CSMD1: variants seen among roughly 807,000 people sequenced by gnomAD.
CSMD1 encodes the protein CUB and sushi domain-containing protein 1.
A neutral mutation model predicts 417.5 loss-of-function variants in CSMD1; 213 were observed. That is an observed-to-expected ratio of 0.51 (90% confidence interval 0.46 to 0.57). The LOEUF is 0.57. Ranked by LOEUF, CSMD1 falls within the 20% of genes least tolerant of loss-of-function variation. CSMD1 has a pLI of 0.00. For missense variants in CSMD1, 6,923 were observed against 4,529.7 expected, an observed-to-expected ratio of 1.53 and a Z score of -15.17; for synonymous variants, 2,862 against 1,736.8, an observed-to-expected ratio of 1.65 and a Z score of -16.11.
At chr8:4,529,411 C>A (rs1449100962) in intron 2 of CSMD1, among the ~76,000 whole-genome samples, 1 of 152,034 alleles carries the variant, frequency 6.6e-6, no homozygotes, top group African/African-American at 2.4e-5. Flanking sequence ...AAATTGTTTT[C>A]TTCTGAAAAA....
In CSMD1 at chr8:4,966,454, A is replaced by G. The variant is rs140656130; in HGVS notation, c.85+27878T>C. On this transcript the variant is annotated intron_variant, in intron 1 of 69. Transcript: ENST00000635120. ...TGGAACACATTTCCTTGTTAGGCTAATATCAACCATCACTTCCAGATCTCA... is the reference window on the plus strand; with the variant it reads ...TGGAACACATTTCCTTGTTAGGCTAGTATCAACCATCACTTCCAGATCTCA... Among the ~76,000 whole-genome samples the G allele has an allele frequency of 5.8e-3, 876 of 152,260 alleles. 8 individuals carry two copies. Among genetic ancestry groups the G allele is most frequent in the African/African-American group, 0.02 (841 of 41,552 alleles).
At chr8:3,093,335 C>G (rs1815078918) in intron 47 of CSMD1, among the ~76,000 whole-genome samples, 1 of 152,136 alleles carries the variant, frequency 6.6e-6, no homozygotes, top group Admixed American at 6.5e-5. Context: ...CTGACCCCTT[C>G]CGCTTAAAGG....
chr8:3,329,781 G>C (rs1195515238), intron 23 of CSMD1, among the ~76,000 whole-genome samples: 1 of 152,182 alleles, frequency 6.6e-6, no homozygotes, highest in Non-Finnish European at 1.5e-5. Flanking sequence ...GATGCATTGT[G>C]AGTGAGCCTT....
At chr8:4,546,165 T>C (rs1797622031) in intron 2 of CSMD1, among the ~76,000 whole-genome samples, 1 of 152,200 alleles carries the variant, frequency 6.6e-6, no homozygotes, top group Non-Finnish European at 1.5e-5. Flanking sequence ...ATGAACATTT[T>C]TCAGTTTATT....
chr8:4,114,847 G>T (rs1350901643), intron 3 of CSMD1, among the ~76,000 whole-genome samples: 1 of 152,148 alleles, frequency 6.6e-6, no homozygotes, highest in Non-Finnish European at 1.5e-5. Context: ...AGACGTGACT[G>T]AATTGCTGCA....
intron 3 of CSMD1, among the ~76,000 whole-genome samples, chr8:4,375,210 G>A (rs1453143479): frequency 7.9e-5 from 12 of 152,220 alleles, no homozygotes; most frequent in African/African-American, 2.2e-4. Flanking sequence ...CTTTGCCCAC[G>A]GGGATAGATA....
At chr8:4,275,684 CTTGT>C (rs1207710631) in intron 3 of CSMD1, among the ~76,000 whole-genome samples, 1 of 152,112 alleles carries the variant, frequency 6.6e-6, no homozygotes, top group Non-Finnish European at 1.5e-5. Flanking sequence ...TTTTGCAAAG[CTTGT>C]TTTAGTGATA....
intron 11 of CSMD1, among the ~76,000 whole-genome samples, chr8:3,470,429 A>C (rs182177514): frequency 6.6e-6 from 1 of 152,208 alleles, no homozygotes; most frequent in Admixed American, 6.5e-5. Context: ...TTATTTACCT[A>C]GTTTCCCCGA....
intron 1 of CSMD1, among the ~76,000 whole-genome samples, chr8:4,863,965 T>C (rs980185053): frequency 2.6e-5 from 4 of 152,022 alleles, no homozygotes; most frequent in African/African-American, 7.3e-5. Flanking sequence ...CAAGACATGA[T>C]TGAAAAATGA....
intron 3 of CSMD1, among the ~76,000 whole-genome samples, chr8:4,084,928 A>G (rs1486468074): frequency 2.0e-5 from 3 of 152,180 alleles, no homozygotes; most frequent in African/African-American, 7.2e-5. Flanking sequence ...AAAACTACAA[A>G]AATTGGTAAT....
chr8:4,557,642 G>T (rs1798153812), intron 2 of CSMD1, among the ~76,000 whole-genome samples: 1 of 151,562 alleles, frequency 6.6e-6, no homozygotes, highest in Non-Finnish European at 1.5e-5. Context: ...AGAACAGAAA[G>T]GAAGGATGGA....
intron 3 of CSMD1, among the ~76,000 whole-genome samples, chr8:4,415,327 C>G (rs111604721): frequency 1.0e-3 from 157 of 152,296 alleles, no homozygotes; most frequent in African/African-American, 3.7e-3. Context: ...TTTCTCTATG[C>G]TTCTGCAGGG....
At chr8:4,287,513 C>A (rs912175162) in intron 3 of CSMD1, among the ~76,000 whole-genome samples, 1 of 152,020 alleles carries the variant, frequency 6.6e-6, no homozygotes, top group Non-Finnish European at 1.5e-5. Flanking sequence ...ATATTTACAC[C>A]ACACATGTTG....
intron 1 of CSMD1, among the ~76,000 whole-genome samples, chr8:4,862,963 A>C (rs915655809): frequency 6.6e-6 from 1 of 152,000 alleles, no homozygotes; most frequent in African/African-American, 2.4e-5. Flanking sequence ...CACAAAGCCA[A>C]GTCAGGGTGC....
chr8:3,710,868 C>T (rs900100), intron 6 of CSMD1, among the ~76,000 whole-genome samples: 45,783 of 151,904 alleles, frequency 0.3, 7,497 homozygotes, highest in East Asian at 0.49. Flanking sequence ...CCAAACCTTT[C>T]CACGTGGGCT....
At chr8:4,824,135 A>G (rs950003141) in intron 1 of CSMD1, among the ~76,000 whole-genome samples, 2 of 151,632 alleles carry the variant, frequency 1.3e-5, no homozygotes, top group East Asian at 3.9e-4. Flanking sequence ...CGTACATGTA[A>G]GGAAATGGGG....
In CSMD1 at chr8:3,284,345, G is replaced by A; in HGVS notation, c.3952C>T (p.Leu1318Phe). 1 of 1,612,396 alleles carries A rather than the reference G, an allele frequency of 6.2e-7. No individual in the cohort carries two copies. The change falls in exon 26 of 70, where the codon CTC (leucine) becomes TTC (phenylalanine). Residue 1318 changes from leucine to phenylalanine, a missense_variant and splice_region_variant. Leu to Phe is a conservative substitution (Grantham distance 22). Coordinates refer to ENST00000635120, the MANE Select transcript of CSMD1 (RefSeq NM_033225.6). ...TCCGTGTCGAAAACAATGAAATGGA[G>A]GCTGCAAGAGAGAACACAGTAGCGC... is the stretch of plus-strand genomic sequence containing the variant. ...IEADPGKTIS[L>F]HFIVFDTEMA...
At chr8:3,854,159 T>C (rs999455165) in intron 5 of CSMD1, among the ~76,000 whole-genome samples, 1 of 139,554 alleles carries the variant, frequency 7.2e-6, no homozygotes, top group African/African-American at 2.6e-5. Flanking sequence ...ATAATAATAA[T>C]AAAAAAAAAA....
intron 37 of CSMD1, among the ~76,000 whole-genome samples, chr8:3,176,700 T>C (rs1820956783): frequency 6.6e-6 from 1 of 152,148 alleles, no homozygotes; most frequent in Admixed American, 6.5e-5. Context: ...AATGATAGCT[T>C]TTCTTGAACC....
Sources: gnomAD v4.1 joint callset for allele counts (sites outside exome capture counted in the v4.1 genomes callset) on GRCh38, gnomAD v4.1.1 for gene constraint, MANE v1.5 for transcripts, NCBI Gene and HGNC (gene_info 2026-07-23, HGNC 2026-07-21) for gene names.